Variants in VEPH1 observed in about 807,000 individuals in gnomAD.
The protein encoded by VEPH1 is ventricular zone expressed PH domain containing 1, also known as ventricular zone-expressed PH domain-containing protein homolog 1.
VEPH1 carries 80 observed loss-of-function variants against 85.2 expected under a neutral mutation model. That is an observed-to-expected ratio of 0.94 (90% CI 0.78 to 1.13). VEPH1 has a LOEUF of 1.13. Ranked by LOEUF, VEPH1 falls within the 50% of genes most tolerant of loss-of-function variation. The pLI, the probability that VEPH1 is intolerant of heterozygous loss-of-function variation, is 0.00. For synonymous variants in VEPH1, 297 were observed against 348.0 expected (o/e 0.85, Z 1.63); for missense variants, 955 against 980.5 (o/e 0.97, Z 0.35).
At chr3:157,426,207 A>G (rs9681270) in intron 5 of VEPH1, among the ~76,000 whole-genome samples, 90,157 of 152,068 alleles carry the variant, frequency 0.59, 26,964 homozygotes, top group East Asian at 0.68. Context: ...AATCCATTTC[A>G]AATTCCCTCT....
intron 9 of VEPH1, among the ~76,000 whole-genome samples, chr3:157,341,942 G>C (rs1723616159): frequency 6.6e-6 from 1 of 152,102 alleles, no homozygotes; most frequent in Non-Finnish European, 1.5e-5. Flanking sequence ...ATAAGTGAAG[G>C]AGAAATAAAA....
intron 4 of VEPH1, among the ~76,000 whole-genome samples, chr3:157,450,912 T>C (rs1205608581): frequency 6.6e-6 from 1 of 152,170 alleles, no homozygotes; most frequent in African/African-American, 2.4e-5. Flanking sequence ...TGGTATATAG[T>C]AAGCACTCAG....
chr3:157,440,139 G>T (rs1173968031), intron 4 of VEPH1, among the ~76,000 whole-genome samples: 1 of 152,138 alleles, frequency 6.6e-6, no homozygotes, highest in African/African-American at 2.4e-5. Flanking sequence ...ACAGCTGGAA[G>T]AAAAGATGTA....
At chr3:157,328,219 A>G (rs1429438960) in intron 9 of VEPH1, among the ~76,000 whole-genome samples, 1 of 146,630 alleles carries the variant, frequency 6.8e-6, no homozygotes, top group Admixed American at 6.6e-5. Context: ...ATGTGAGCAT[A>G]AAGAGTTAAT....
At chr3:157,475,086 C>T (rs549759719) in intron 2 of VEPH1, among the ~76,000 whole-genome samples, 1 of 151,580 alleles carries the variant, frequency 6.6e-6, no homozygotes, top group East Asian at 1.9e-4. Flanking sequence ...CTCAAGGGTT[C>T]CTCCTATCCC....
intron 11 of VEPH1, among the ~76,000 whole-genome samples, chr3:157,297,400 C>T (rs1718265380): frequency 6.6e-6 from 1 of 152,036 alleles, no homozygotes; most frequent in African/African-American, 2.4e-5. Context: ...ATGAACATTT[C>T]AGAGGGGAAT....
chr3:157,390,028 T>G (rs572671750), intron 6 of VEPH1, among the ~76,000 whole-genome samples: 6 of 152,348 alleles, frequency 3.9e-5, no homozygotes, highest in African/African-American at 1.4e-4. Context: ...CACATATTAA[T>G]TCTTCTCTCC....
Position 157,317,182 on chromosome 3 carries a change from T to C in VEPH1, c.1755A>G (p.Val585=). Residue 585 remains valine, a synonymous_variant, in exon 10 of 14, where the codon GTA becomes GTG. Coordinates refer to ENST00000362010, the MANE Select transcript of VEPH1 (RefSeq NM_001167912.2). ...GGGAGCAGGTGAAGAACAACTTTGC[T>C]ACACAACTTCTCACAGTGTCTAGAA... ...CTIEDTVRSC[V]AKLFFTCSLK... 1 of 1,611,686 alleles carries C rather than the reference T, an allele frequency of 6.2e-7. No individual in the cohort carries two copies. The highest frequency in any genetic ancestry group is 8.5e-7 in the Non-Finnish European group (1 of 1,178,912).
intron 2 of VEPH1, among the ~76,000 whole-genome samples, chr3:157,471,677 C>A (rs1052027881): frequency 1.3e-5 from 2 of 150,668 alleles, no homozygotes; most frequent in African/African-American, 4.9e-5. Flanking sequence ...GAACTACCCA[C>A]GGTACCTTAT....
intron 5 of VEPH1, among the ~76,000 whole-genome samples, chr3:157,416,884 A>C (rs1183996697): frequency 6.6e-6 from 1 of 151,284 alleles, no homozygotes; most frequent in Non-Finnish European, 1.5e-5. Context: ...GACAGACAGA[A>C]AGAAAGAAAG....
At chr3:157,468,886 C>T (rs564850315) in intron 3 of VEPH1, among the ~76,000 whole-genome samples, 40 of 152,196 alleles carry the variant, frequency 2.6e-4, no homozygotes, top group Non-Finnish European at 4.6e-4. Context: ...TGTTCCCCCA[C>T]TCACCCTGGG....
At chr3:157,451,087 C>T (rs1734934147) in intron 4 of VEPH1, among the ~76,000 whole-genome samples, 1 of 152,200 alleles carries the variant, frequency 6.6e-6, no homozygotes, top group Non-Finnish European at 1.5e-5. Context: ...CCTGGCTATA[C>T]TAGCCCTGTA....
chr3:157,460,946 G>A (rs1735810412), intron 3 of VEPH1, among the ~76,000 whole-genome samples: 2 of 152,258 alleles, frequency 1.3e-5, no homozygotes, highest in South Asian at 4.1e-4. Context: ...GATCTTTAGG[G>A]TAATCGGGGG....
chr3:157,495,064 C>A, intron 2 of VEPH1, 148 bp downstream of exon 2: 1 of 760,740 alleles, frequency 1.3e-6, no homozygotes, highest in Non-Finnish European at 2.0e-6. Flanking sequence ...TCTTAGATGC[C>A]AACAAAACCA....
At chr3:157,439,746 A>G (rs965566980) in intron 4 of VEPH1, among the ~76,000 whole-genome samples, 2 of 152,038 alleles carry the variant, frequency 1.3e-5, no homozygotes, top group South Asian at 2.1e-4. Context: ...CCTCTTGAAC[A>G]CTACTTTTTT....
chr3:157,384,665 GA>G lies in VEPH1; in HGVS notation c.907-3290del, dbSNP rs1729105402. ...AAAATTAATCACAGTGCAGGAACAGGAAAAATTATAACTGCTCTGGAACTAA... is the reference window on the plus strand; with the variant it reads ...AAAATTAATCACAGTGCAGGAACAGGAAAATTATAACTGCTCTGGAACTAA... On this transcript the variant is annotated intron_variant, in intron 6 of 13. Coordinates refer to ENST00000362010, the MANE Select transcript of VEPH1 (RefSeq NM_001167912.2). 3.3e-5 allele frequency among the ~76,000 whole-genome samples: 5 copies of G among 152,200 alleles called. No homozygotes were observed. In the South Asian group the frequency reaches 1.0e-3, roughly 32 times the overall value.
chr3:157,463,608 A>G lies in VEPH1; in HGVS notation c.355-3253T>C, dbSNP rs1736082862. On this transcript the variant is annotated intron_variant, in intron 3 of 13. Coordinates refer to ENST00000362010, the MANE Select transcript of VEPH1 (RefSeq NM_001167912.2). ...AGAGGCTGGCTGCTCCCTTCCCCAG[A>G]GGTTAGTGCTCAGCTTTAGAAGTCA... 2.0e-5 allele frequency among the ~76,000 whole-genome samples: 3 copies of G among 152,106 alleles called. No individual in the cohort carries two copies. The South Asian group carries it at 6.2e-4, about 31-fold the overall frequency.
At chr3:157,349,259 T>C (rs1724579452) in intron 9 of VEPH1, among the ~76,000 whole-genome samples, 1 of 152,180 alleles carries the variant, frequency 6.6e-6, no homozygotes, top group South Asian at 2.1e-4. Context: ...ATAAATTATA[T>C]CAATAGAATT....
intron 11 of VEPH1, among the ~76,000 whole-genome samples, chr3:157,312,907 T>A (rs1720270534): frequency 7.1e-6 from 1 of 141,048 alleles, no homozygotes; most frequent in African/African-American, 2.7e-5. Context: ...AACATTTTTT[T>A]TTTTTTTTTT....
Sources: allele counts gnomAD v4.1 joint callset (sites outside exome capture counted in the v4.1 genomes callset), GRCh38; gene constraint gnomAD v4.1.1; transcripts MANE v1.5; gene names NCBI Gene and HGNC (gene_info 2026-07-23, HGNC 2026-07-21).